Variants in YWHAG observed in about 807,000 individuals in gnomAD.
The protein encoded by YWHAG is tyrosine 3-monooxygenase/tryptophan 5-monooxygenase activation protein gamma, also known as 14-3-3 protein gamma.
YWHAG carries 1 observed loss-of-function variant against 23.3 expected under a neutral mutation model. That is an observed-to-expected ratio of 0.04 (90% CI 0.02 to 0.20). The LOEUF (loss-of-function observed/expected upper bound fraction) is 0.20, where lower values mean the gene tolerates loss of function less well. Ranked by LOEUF, YWHAG falls within the 10% of genes least tolerant of loss-of-function variation. YWHAG has a pLI of 1.00. For missense variants in YWHAG, 151 were observed against 338.6 expected, an observed-to-expected ratio of 0.45 and a Z score of 4.35; for synonymous variants, 160 against 144.0, an observed-to-expected ratio of 1.11 and a Z score of -0.80.
intron 1 of YWHAG, among the ~76,000 whole-genome samples, chr7:76,349,511 G>A (rs949594165): frequency 2.0e-5 from 3 of 151,568 alleles, no homozygotes; most frequent in African/African-American, 7.3e-5. Flanking sequence ...ATGCAACAGG[G>A]TACCAAAAAA....
intron 1 of YWHAG, among the ~76,000 whole-genome samples, chr7:76,336,809 A>G (rs946414406): frequency 6.9e-6 from 1 of 145,022 alleles, no homozygotes; most frequent in Non-Finnish European, 1.5e-5. Context: ...ACTTGGCTCC[A>G]TCTTACATTT....
chr7:76,352,154 A>G (rs562308426), intron 1 of YWHAG, among the ~76,000 whole-genome samples: 1 of 152,342 alleles, frequency 6.6e-6, no homozygotes, highest in East Asian at 1.9e-4. Context: ...CTACATTCTT[A>G]AAGAACTAGC....
intron 1 of YWHAG, among the ~76,000 whole-genome samples, chr7:76,356,777 G>C (rs2041189): frequency 0.2 from 31,134 of 152,136 alleles, 3,416 homozygotes; most frequent in East Asian, 0.33. Context: ...GGTGAACAAG[G>C]CCTAGCTAGA....
rs185440751 is a variant in YWHAG at position 76,330,812 on chromosome 7, T to A, written c.88-579A>T. Among the ~76,000 whole-genome samples the A allele has an allele frequency of 3.9e-5, 6 of 152,286 alleles. No individual in the cohort carries two copies. The East Asian group carries it at 1.2e-3, about 29-fold the overall frequency. On this transcript the variant is annotated intron_variant, in intron 1 of 1. Transcript: ENST00000307630. ...CATGTTATTTGTGGCAGTGGGAGTG[T>A]CTGACTGAATACAACTTTACAACCA... is the stretch of plus-strand genomic sequence containing the variant.
chr7:76,358,892 T>A lies in YWHAG; in HGVS notation c.-84A>T. The A allele has an allele frequency of 2.2e-6, 3 of 1,358,646 alleles. No individual in the cohort carries two copies. Among genetic ancestry groups the A allele is most frequent in the Non-Finnish European group, 3.0e-6 (3 of 1,002,578 alleles). The allele number at this position is 1,358,646 out of a possible 1,614,324, so 84.2% of individuals were successfully genotyped here. ...TTGGAGGGCGCGACTGGAGCCCAAGTGCCGGAGAGGACCGACCCACAGAGC... is the reference window on the plus strand; with the variant it reads ...TTGGAGGGCGCGACTGGAGCCCAAGAGCCGGAGAGGACCGACCCACAGAGC... On this transcript the variant is annotated 5_prime_UTR_variant, in exon 1 of 2. Coordinates refer to ENST00000307630, the MANE Select transcript of YWHAG (RefSeq NM_012479.4).
intron 1 of YWHAG, among the ~76,000 whole-genome samples, chr7:76,357,537 T>C (rs561493340): frequency 3.9e-4 from 60 of 152,250 alleles, no homozygotes; most frequent in African/African-American, 1.3e-3. Context: ...ATTAGATAAA[T>C]GTGGTGTTAC....
chr7:76,329,889 C>T lies in YWHAG; in HGVS notation c.432G>A (p.Ala144=), dbSNP rs140411299. 1.7e-5 allele frequency: 27 copies of T among 1,613,926 alleles called. No homozygotes were observed. The highest frequency in any genetic ancestry group is 1.8e-5 in the Non-Finnish European group (21 of 1,180,020). ...LAEVATGEKR[A]TVVESSEKAY... ...CCTTCTCGGAGGACTCCACCACCGT[C>T]GCCCTTTTCTCTCCGGTGGCCACTT... is the stretch of plus-strand genomic sequence containing the variant. The change falls in exon 2 of 2, where the codon GCG becomes GCA. Residue 144 remains alanine, a synonymous_variant. Transcript: ENST00000307630. This position sits in a 1 kb window ranked among gnomAD's most constrained non-coding sequence, Gnocchi z 6.1.
At chr7:76,335,355 C>T (rs547189563) in intron 1 of YWHAG, among the ~76,000 whole-genome samples, 4 of 152,214 alleles carry the variant, frequency 2.6e-5, no homozygotes, top group Non-Finnish European at 5.9e-5. Context: ...CGCGCCCGGC[C>T]TCAAATTTCT....
chr7:76,352,666 T>TA (rs1201352869), intron 1 of YWHAG, among the ~76,000 whole-genome samples: 1 of 152,188 alleles, frequency 6.6e-6, no homozygotes, highest in East Asian at 1.9e-4. Context: ...TTTTTTTTTT[T>TA]AGAGACAGAG....
At chr7:76,333,014 C>A in intron 1 of YWHAG, among the ~76,000 whole-genome samples, 1 of 151,436 alleles carries the variant, frequency 6.6e-6, no homozygotes, top group Non-Finnish European at 1.5e-5. Context: ...TATATCAATC[C>A]GCTGGAAGTG....
chr7:76,337,255 T>A (rs573478259), intron 1 of YWHAG, among the ~76,000 whole-genome samples: 32 of 152,178 alleles, frequency 2.1e-4, no homozygotes, highest in Non-Finnish European at 1.9e-4. Flanking sequence ...TAAAGATGGC[T>A]CACTGTTGCC....
rs35137930 is a variant in YWHAG at position 76,336,451 on chromosome 7, C to CTT, written c.88-6220_88-6219dup. 3.5e-4 allele frequency among the ~76,000 whole-genome samples: 41 copies of CTT among 116,714 alleles called. 1 individual carries two copies. The highest frequency in any genetic ancestry group is 8.9e-4 in the African/African-American group (26 of 29,200). The allele number at this position is 116,714 out of a possible 152,430, so 76.6% of individuals were successfully genotyped here. A position where few individuals can be genotyped will look rare whatever the true frequency, so the allele number is the denominator to read the frequency against. ...CCAAAACTGCTCTAAGAAAGTCTGG[C>CTT]TTTTTTTTTTTTTTTTTTTTCTGAG... On this transcript the variant is annotated intron_variant, in intron 1 of 1. Transcript: ENST00000307630.
intron 1 of YWHAG, among the ~76,000 whole-genome samples, chr7:76,338,870 C>A (rs1407153722): frequency 6.6e-6 from 1 of 152,182 alleles, no homozygotes; most frequent in Non-Finnish European, 1.5e-5. Flanking sequence ...CTAGTTGGCA[C>A]TAAAAATCAC....
At chr7:76,351,391 C>CA (rs35652035) in intron 1 of YWHAG, among the ~76,000 whole-genome samples, 1 of 151,538 alleles carries the variant, frequency 6.6e-6, no homozygotes, top group East Asian at 1.9e-4. Context: ...TGAGTAGGGT[C>CA]TTTTCAACCT....
chr7:76,329,567 C>T lies in YWHAG; in HGVS notation c.*10G>A. On this transcript the variant is annotated 3_prime_UTR_variant, in exon 2 of 2. Transcript: ENST00000307630. This position sits in a 1 kb window ranked among gnomAD's most constrained non-coding sequence, Gnocchi z 6.1. Reference sequence around the variant, plus strand: ...TAGCATCCGCGTGCGCTGCCAGTTCCCCTGGGGCCTTAATTGTTGCCTTCG... The same window carrying T: ...TAGCATCCGCGTGCGCTGCCAGTTCTCCTGGGGCCTTAATTGTTGCCTTCG... 6.3e-7 allele frequency: 1 copy of T among 1,597,576 alleles called. No homozygotes were observed. Among genetic ancestry groups the T allele is most frequent in the Non-Finnish European group, 8.6e-7 (1 of 1,169,290 alleles).
intron 1 of YWHAG, among the ~76,000 whole-genome samples, chr7:76,339,491 T>C (rs188811116): frequency 1.3e-5 from 2 of 152,078 alleles, no homozygotes; most frequent in Admixed American, 6.6e-5. Flanking sequence ...ATAAAAATAA[T>C]AGTAATAATA....
At chr7:76,343,480 T>C (rs530747942) in intron 1 of YWHAG, among the ~76,000 whole-genome samples, 1 of 152,316 alleles carries the variant, frequency 6.6e-6, no homozygotes, top group South Asian at 2.1e-4. Context: ...CACCCATGAA[T>C]CATGGTGGTA....
rs545125722 is a variant in YWHAG at position 76,352,022 on chromosome 7, T to C, written c.87+6700A>G. 9.5e-4 allele frequency among the ~76,000 whole-genome samples: 144 copies of C among 152,278 alleles called. 7 individuals are homozygous for C. The South Asian group carries it at 0.029, about 30-fold the overall frequency. On this transcript the variant is annotated intron_variant, in intron 1 of 1. Coordinates refer to ENST00000307630, the MANE Select transcript of YWHAG (RefSeq NM_012479.4). ...CATTATAACATACTGCCAATGAGTA[T>C]GGGGTTATCCGCATGGCTACTCACT...
rs1803489940 is a variant in YWHAG, at chr7:76,328,594, A to C, written c.*983T>G. On this transcript the variant is annotated 3_prime_UTR_variant, in exon 2 of 2. Coordinates refer to ENST00000307630, the MANE Select transcript of YWHAG (RefSeq NM_012479.4). ...GTCCGCCAGCACGAGGCGCAGTAGG[A>C]AACGCCCCAGTGCAGAGTGGGTGAC... 6.6e-6 allele frequency: 1 copy of C among 152,216 alleles called. No homozygotes were observed. Among genetic ancestry groups the C allele is most frequent in the Non-Finnish European group, 1.5e-5 (1 of 68,056 alleles). The allele number at this position is 152,216 out of a possible 1,614,324, so 9.4% of individuals were successfully genotyped here. A position where few individuals can be genotyped will look rare whatever the true frequency, so the allele number is the denominator to read the frequency against.
Sources: allele counts gnomAD v4.1 joint callset (sites outside exome capture counted in the v4.1 genomes callset), GRCh38; gene constraint gnomAD v4.1.1; non-coding constraint Gnocchi (gnomAD v3.1); transcripts MANE v1.5; gene names NCBI Gene and HGNC (gene_info 2026-07-23, HGNC 2026-07-21).